The following HAVCR2 variants were observed in gnomAD, a reference collection of about 807,000 sequenced individuals.
The protein encoded by HAVCR2 is T cell immunoglobulin mucin 3.
HAVCR2 carries 13 observed loss-of-function variants against 24.7 expected under a neutral mutation model. The ratio of observed to expected loss-of-function variants is 0.53; its 90% confidence interval spans 0.34 to 0.84. HAVCR2 has a LOEUF of 0.84. HAVCR2 is among the 40% of genes least tolerant of loss of function. The probability of loss-of-function intolerance (pLI) is 0.01; values close to 1 mark genes in which losing one functional copy is unlikely to be tolerated. For synonymous variants in HAVCR2, 154 were observed against 143.4 expected, an observed-to-expected ratio of 1.07 and a Z score of -0.53; for missense variants, 343 against 371.2, an observed-to-expected ratio of 0.92 and a Z score of 0.62.
chr5:157,089,100 T>A, intron 5 of HAVCR2, 123 bp from the exon 6 acceptor site: 1 of 744,370 alleles, frequency 1.3e-6, no homozygotes, highest in Non-Finnish European at 2.2e-6. Flanking sequence ...CAGATTGAGT[T>A]AAATGAAACT....
At chr5:157,107,783 G>A (rs935179362) in intron 1 of HAVCR2, among the ~76,000 whole-genome samples, 7 of 151,864 alleles carry the variant, frequency 4.6e-5, no homozygotes, top group Admixed American at 6.6e-5. Context: ...ACACAAATGC[G>A]TTATCTGATT....
intron 5 of HAVCR2, among the ~76,000 whole-genome samples, chr5:157,090,122 C>T (rs373462762): frequency 1.2e-3 from 79 of 65,602 alleles, no homozygotes; most frequent in South Asian, 3.2e-3. Context: ...CTTTTCTTTT[C>T]TTTTTTTTTT....
intron 5 of HAVCR2, 145 bp from the exon 6 acceptor site, chr5:157,089,122 C>A (rs1756956912): frequency 1.5e-6 from 1 of 653,834 alleles, no homozygotes; most frequent in Non-Finnish European, 2.6e-6. Flanking sequence ...TCAACGTGTG[C>A]CTTAGATAGT....
At chr5:157,104,150 G>A (rs1235443463) in intron 3 of HAVCR2, among the ~76,000 whole-genome samples, 1 of 152,168 alleles carries the variant, frequency 6.6e-6, no homozygotes, top group Admixed American at 6.6e-5. Flanking sequence ...TCTGCTTTAT[G>A]CCCAGTGTTC....
chr5:157,092,000 T>C (rs75109222), intron 5 of HAVCR2, among the ~76,000 whole-genome samples: 8,485 of 152,216 alleles, frequency 0.056, 305 homozygotes, highest in Non-Finnish European at 0.081. Flanking sequence ...AACAGGCCTT[T>C]CTTATCTGTA....
intron 5 of HAVCR2, among the ~76,000 whole-genome samples, chr5:157,089,363 C>T (rs956196187): frequency 4.0e-5 from 6 of 151,842 alleles, no homozygotes; most frequent in Non-Finnish European, 7.4e-5. Flanking sequence ...ATGGAGAAAC[C>T]CCGTCTCTAC....
In HAVCR2 at chr5:157,088,984, AG is replaced by A. The variant is rs1561618667; in HGVS notation, c.677-8del. 6.2e-7 allele frequency: 1 copy of A among 1,601,944 alleles called. No homozygotes were observed. Among genetic ancestry groups the A allele is most frequent in the South Asian group, 1.1e-5 (1 of 88,268 alleles). On this transcript the variant is annotated splice_region_variant and splice_polypyrimidine_tract_variant and intron_variant, in intron 5 of 6. Transcript: ENST00000307851. ...TCTTTGCTATGAGAATACCCTAGTA[AG>A]GGGGAAACAAAAGCCAATAAAAATG... is the stretch of plus-strand genomic sequence containing the variant.
chr5:157,106,997 C>A (rs766766974), intron 1 of HAVCR2, 35 bp from the exon 2 acceptor site: 35 of 1,548,192 alleles, frequency 2.3e-5, no homozygotes, highest in Non-Finnish European at 2.9e-5. Flanking sequence ...AAGACTCAAG[C>A]GGTGAGTGAG....
At chr5:157,096,312 G>C (rs543317530) in intron 4 of HAVCR2, among the ~76,000 whole-genome samples, 1 of 151,630 alleles carries the variant, frequency 6.6e-6, no homozygotes, top group East Asian at 1.9e-4. Flanking sequence ...AACTAAGTGA[G>C]AGAAAATATA....
At chr5:157,098,334 G>C (rs553005329) in intron 4 of HAVCR2, among the ~76,000 whole-genome samples, 4 of 152,026 alleles carry the variant, frequency 2.6e-5, no homozygotes, top group Admixed American at 2.6e-4. Context: ...TTGAACCCGG[G>C]AGGCGGAGGT....
chr5:157,097,380 A>G (rs895004596), intron 4 of HAVCR2, among the ~76,000 whole-genome samples: 1 of 151,112 alleles, frequency 6.6e-6, no homozygotes, highest in Admixed American at 6.7e-5. Context: ...TCAGCCTCCC[A>G]AGTAGCTGGA....
intron 5 of HAVCR2, 24 bp downstream of exon 5, chr5:157,095,278 AGAGG>A (rs1757077924): frequency 1.2e-6 from 2 of 1,608,798 alleles, no homozygotes; most frequent in Non-Finnish European, 1.7e-6. Flanking sequence ...ATTTGTTATC[AGAGG>A]GAGAGAGAAA....
intron 5 of HAVCR2, 84 bp from the exon 6 acceptor site, chr5:157,089,061 G>T: frequency 3.3e-6 from 4 of 1,227,310 alleles, no homozygotes; most frequent in Non-Finnish European, 4.7e-6. Context: ...CTGGAAGCAC[G>T]CATAGTTTAG....
intron 4 of HAVCR2, 62 bp downstream of exon 4, chr5:157,098,796 T>C: frequency 6.7e-7 from 1 of 1,494,370 alleles, no homozygotes; most frequent in Non-Finnish European, 9.2e-7. Flanking sequence ...ATGAAGGAAG[T>C]CTAAAGCCAT....
At chr5:157,093,785 A>C (rs1193775654) in intron 5 of HAVCR2, among the ~76,000 whole-genome samples, 1 of 152,092 alleles carries the variant, frequency 6.6e-6, no homozygotes, top group Non-Finnish European at 1.5e-5. Flanking sequence ...TCTCTACTAA[A>C]AATATAAAAA....
intron 2 of HAVCR2, chr5:157,104,996 A>C: frequency 4.0e-6 from 1 of 248,412 alleles, no homozygotes; most frequent in Admixed American, 5.4e-5. Context: ...AGCCACACAA[A>C]TGGCCATAAT....
intron 5 of HAVCR2, among the ~76,000 whole-genome samples, chr5:157,090,690 TG>T (rs1267161894): frequency 1.3e-5 from 2 of 152,160 alleles, no homozygotes; most frequent in Non-Finnish European, 2.9e-5. Flanking sequence ...GACATTGATT[TG>T]GGTTTTAATA....
rs780148401 is a variant in HAVCR2, at chr5:157,095,287, G to C, written c.676+19C>G. 6.2e-7 allele frequency: 1 copy of C among 1,611,922 alleles called. No individual in the cohort carries two copies. The highest frequency in any genetic ancestry group is 8.5e-7 in the Non-Finnish European group (1 of 1,179,100). On this transcript the variant is annotated intron_variant, in intron 5 of 6. Coordinates refer to ENST00000307851, the MANE Select transcript of HAVCR2 (RefSeq NM_032782.5). The stretch of plus-strand genomic sequence containing the variant: ...TGAAGAATTTGTTATCAGAGGGAGA[G>C]AGAAACAAAAACACTTACATTTGAA...
Position 157,087,105 on chromosome 5 carries a change from T to C in HAVCR2, c.903A>G (p.Pro301=), listed in dbSNP as rs1396454730. Residue 301 remains proline (P), a synonymous_variant, in exon 7 of 7, where the codon CCA becomes CCG. Transcript: ENST00000307851. ...CTCAAAAATAAGGTGGTTGGATCTATGGCATTGCAAAGCGACAACCCAAAG... is the reference window on the plus strand; with the variant it reads ...CTCAAAAATAAGGTGGTTGGATCTACGGCATTGCAAAGCGACAACCCAAAG... ...SQPLGCRFAM[P] is the part of the protein sequence containing the mutation. 2.5e-6 allele frequency: 4 copies of C among 1,613,056 alleles called. No homozygotes were observed. Among genetic ancestry groups the C allele is most frequent in the Middle Eastern group, 1.7e-4 (1 of 6,058 alleles).
Sources: allele counts gnomAD v4.1 joint callset (sites outside exome capture counted in the v4.1 genomes callset), GRCh38; gene constraint gnomAD v4.1.1; transcripts MANE v1.5; gene names NCBI Gene and HGNC (gene_info 2026-07-23, HGNC 2026-07-21).